The following NSMCE2 variants were observed in gnomAD, a reference collection of about 807,000 sequenced individuals.
NSMCE2 encodes E3 SUMO-protein ligase NSE2.
NSMCE2 carries 24 observed loss-of-function variants against 23.8 expected under a neutral mutation model. The ratio of observed to expected loss-of-function variants is 1.01; its 90% confidence interval spans 0.73 to 1.42. NSMCE2 has a LOEUF of 1.42. Ranked by LOEUF, NSMCE2 falls within the 40% of genes most tolerant of loss-of-function variation. The pLI is 0.00. For synonymous variants in NSMCE2, 92 were observed against 94.1 expected (o/e 0.98, Z 0.13); for missense variants, 284 against 296.5 (o/e 0.96, Z 0.31).
At chr8:125,330,973 A>G (rs1378528499) in intron 5 of NSMCE2, among the ~76,000 whole-genome samples, 1 of 151,788 alleles carries the variant, frequency 6.6e-6, no homozygotes, top group African/African-American at 2.4e-5. Context: ...TTTCACACAC[A>G]TGATGTGAAA....
chr8:125,105,530 G>A (rs1818419893), intron 3 of NSMCE2, among the ~76,000 whole-genome samples: 1 of 151,860 alleles, frequency 6.6e-6, no homozygotes, highest in African/African-American at 2.4e-5. Flanking sequence ...AATACAACAT[G>A]TGCAATTTAA....
At chr8:125,193,827 G>A (rs1177797815) in intron 5 of NSMCE2, among the ~76,000 whole-genome samples, 1 of 152,170 alleles carries the variant, frequency 6.6e-6, no homozygotes, top group Non-Finnish European at 1.5e-5. Flanking sequence ...GCCTATCACT[G>A]AGACAGTCTG....
At chr8:125,201,432 C>G (rs1363871388) in intron 5 of NSMCE2, among the ~76,000 whole-genome samples, 1 of 152,230 alleles carries the variant, frequency 6.6e-6, no homozygotes, top group Non-Finnish European at 1.5e-5. Context: ...TCAGGTCCCT[C>G]AGCTGCAGGT....
At chr8:125,227,633 T>C (rs1288938780) in intron 5 of NSMCE2, among the ~76,000 whole-genome samples, 1 of 152,240 alleles carries the variant, frequency 6.6e-6, no homozygotes, top group Non-Finnish European at 1.5e-5. Flanking sequence ...TAAACTCTGG[T>C]GTTTGCAAAT....
At chr8:125,236,232 T>C (rs1186910963) in intron 5 of NSMCE2, among the ~76,000 whole-genome samples, 2 of 152,184 alleles carry the variant, frequency 1.3e-5, no homozygotes, top group African/African-American at 2.4e-5. Context: ...CTCAGAAGTT[T>C]CTAGTTATAG....
rs115313055 is a variant in NSMCE2 at position 125,308,567 on chromosome 8, A to T, written c.419-48652A>T. ...TGATAGATTTGAGACTATAGGTTGT[A>T]TCTGGGGAAGGGAGCATGGAGATCT... is the stretch of plus-strand genomic sequence containing the variant. On this transcript the variant is annotated intron_variant, in intron 5 of 7. Transcript: ENST00000287437. Among the ~76,000 whole-genome samples, 1,058 of 152,296 alleles carry T rather than the reference A, an allele frequency of 6.9e-3. 15 individuals are homozygous for T. Among genetic ancestry groups the T allele is most frequent in the African/African-American group, 0.023 (963 of 41,556 alleles).
intron 5 of NSMCE2, among the ~76,000 whole-genome samples, chr8:125,195,955 C>T (rs1274076689): frequency 3.8e-5 from 5 of 130,484 alleles, no homozygotes; most frequent in South Asian, 2.4e-4. Flanking sequence ...GGTGTGATCT[C>T]GGCTCACTGC....
chr8:125,290,055 A>G (rs1432858332), intron 5 of NSMCE2, among the ~76,000 whole-genome samples: 1 of 152,226 alleles, frequency 6.6e-6, no homozygotes, highest in Non-Finnish European at 1.5e-5. Context: ...CTGTATTACA[A>G]AATCACTAGT....
chr8:125,099,512 A>G (rs1818085289), intron 1 of NSMCE2, among the ~76,000 whole-genome samples: 1 of 152,132 alleles, frequency 6.6e-6, no homozygotes, highest in Admixed American at 6.5e-5. Context: ...TATGGAGCTC[A>G]AGGAGATGGA....
At chr8:125,293,778 A>G (rs560051788) in intron 5 of NSMCE2, among the ~76,000 whole-genome samples, 3 of 152,192 alleles carry the variant, frequency 2.0e-5, no homozygotes, top group Admixed American at 2.0e-4. Flanking sequence ...TGATGTGCTA[A>G]TATTCTTCTT....
chr8:125,256,046 G>A (rs1189878365), intron 5 of NSMCE2, among the ~76,000 whole-genome samples: 2 of 152,196 alleles, frequency 1.3e-5, no homozygotes, highest in African/African-American at 4.8e-5. Flanking sequence ...CACTTTGGGA[G>A]GCTGAGGCAG....
intron 4 of NSMCE2, among the ~76,000 whole-genome samples, chr8:125,167,198 C>G (rs1821932028): frequency 6.6e-6 from 1 of 152,182 alleles, no homozygotes; most frequent in Non-Finnish European, 1.5e-5. Flanking sequence ...TATGACCAAC[C>G]ACTACTGAGT....
At chr8:125,189,869 C>T (rs1288258161) in intron 5 of NSMCE2, among the ~76,000 whole-genome samples, 1 of 152,158 alleles carries the variant, frequency 6.6e-6, no homozygotes. Flanking sequence ...TTTTTAATAT[C>T]ACAGAATATG....
intron 5 of NSMCE2, among the ~76,000 whole-genome samples, chr8:125,330,615 C>T (rs1176356984): frequency 6.6e-6 from 1 of 152,140 alleles, no homozygotes; most frequent in Non-Finnish European, 1.5e-5. Context: ...AAAATAAGCT[C>T]GCACCTGGGC....
At chr8:125,168,294 A>G (rs1390805115) in intron 4 of NSMCE2, among the ~76,000 whole-genome samples, 1 of 152,184 alleles carries the variant, frequency 6.6e-6, no homozygotes, top group East Asian at 1.9e-4. Flanking sequence ...TTTCTGTGTT[A>G]TAAGCTGCAT....
At chr8:125,100,593 G>T (rs1469028780) in intron 1 of NSMCE2, among the ~76,000 whole-genome samples, 1 of 151,768 alleles carries the variant, frequency 6.6e-6, no homozygotes, top group Non-Finnish European at 1.5e-5. Context: ...ACCGCGTCTT[G>T]CTCTGTTGCC....
At chr8:125,152,010 G>A (rs903875803) in intron 4 of NSMCE2, among the ~76,000 whole-genome samples, 1 of 152,098 alleles carries the variant, frequency 6.6e-6, no homozygotes, top group Non-Finnish European at 1.5e-5. Flanking sequence ...ACAGCTATGG[G>A]AAAATTCCAA....
At chr8:125,253,241 CTG>C (rs1187886893) in intron 5 of NSMCE2, among the ~76,000 whole-genome samples, 3 of 152,206 alleles carry the variant, frequency 2.0e-5, no homozygotes, top group Non-Finnish European at 4.4e-5. Flanking sequence ...GGATATTAAA[CTG>C]TGGTATTTGC....
At chr8:125,143,426 G>A (rs968826891) in intron 3 of NSMCE2, among the ~76,000 whole-genome samples, 8 of 152,042 alleles carry the variant, frequency 5.3e-5, no homozygotes, top group African/African-American at 1.9e-4. Flanking sequence ...ATCCCTTGCC[G>A]CCTTTTCTTC....
Sources: allele counts gnomAD v4.1 joint callset (sites outside exome capture counted in the v4.1 genomes callset), GRCh38; gene constraint gnomAD v4.1.1; transcripts MANE v1.5; gene names NCBI Gene and HGNC (gene_info 2026-07-23, HGNC 2026-07-21).